LRRC4C: variants seen among roughly 807,000 people sequenced by gnomAD.
LRRC4C encodes the protein leucine-rich repeat-containing protein 4C.
In LRRC4C, 5 loss-of-function variants were observed where a neutral mutation model predicts 33.6. The observed-to-expected ratio is 0.15, with a 90% confidence interval of 0.08 to 0.31. The LOEUF (loss-of-function observed/expected upper bound fraction) is 0.31. Among genes scored for constraint, LRRC4C ranks in the 10% least tolerant of loss-of-function variants. LRRC4C has a pLI of 1.00. For missense variants in LRRC4C, 560 were observed against 796.7 expected (o/e 0.70, Z 3.58); for synonymous variants, 329 against 302.0 (o/e 1.09, Z -0.93).
At chr11:40,595,679 C>G (rs901302092) in intron 3 of LRRC4C, among the ~76,000 whole-genome samples, 1 of 151,930 alleles carries the variant, frequency 6.6e-6, no homozygotes, top group Non-Finnish European at 1.5e-5. Context: ...TCTGATTTCC[C>G]TTTCCTTTCC....
chr11:40,199,183 G>C (rs961494100), intron 5 of LRRC4C, among the ~76,000 whole-genome samples: 2 of 152,144 alleles, frequency 1.3e-5, no homozygotes, highest in African/African-American at 4.8e-5. Context: ...CAATTCTCCT[G>C]CCTCAGCCTC....
intron 3 of LRRC4C, among the ~76,000 whole-genome samples, chr11:40,507,939 A>G (rs546615768): frequency 6.6e-4 from 100 of 152,072 alleles, no homozygotes; most frequent in African/African-American, 2.1e-3. Context: ...GAGTTTTGCC[A>G]TGTTGGCCAG....
At chr11:40,525,943 C>G (rs2135268368) in intron 3 of LRRC4C, among the ~76,000 whole-genome samples, 1 of 152,204 alleles carries the variant, frequency 6.6e-6, no homozygotes, top group East Asian at 1.9e-4. Context: ...CATATGTTAT[C>G]ACTTTATTCA....
intron 3 of LRRC4C, among the ~76,000 whole-genome samples, chr11:40,439,706 C>G (rs1351145870): frequency 6.6e-6 from 1 of 152,142 alleles, no homozygotes; most frequent in African/African-American, 2.4e-5. Flanking sequence ...CCTGTCTTGG[C>G]CTTCCAAAGT....
Position 40,906,706 on chromosome 11 carries a change from C to CTGTG in LRRC4C, c.-407+26928_-407+26929insCACA, listed in dbSNP as rs562718375. The stretch of plus-strand genomic sequence containing the variant: ...TATGTTTCCCTCTCTCTCTCTCTCT[C>CTGTG]TCTGTGTGTGTGTGTGTATGTGTGT... On this transcript the variant is annotated intron_variant, in intron 2 of 6. Coordinates refer to ENST00000528697, the MANE Select transcript of LRRC4C (RefSeq NM_001258419.2). Among the ~76,000 whole-genome samples the CTGTG allele has an allele frequency of 2.0e-5, 3 of 151,750 alleles. No homozygotes were observed. The East Asian group carries it at 5.8e-4, about 29-fold the overall frequency.
rs1211840758 is a variant in LRRC4C, at chr11:41,401,284, C to T, written c.-496+58147G>A. Among the ~76,000 whole-genome samples the T allele has an allele frequency of 3.3e-5, 5 of 152,022 alleles. No individual in the cohort carries two copies. The East Asian group carries it at 9.7e-4, about 30-fold the overall frequency. On this transcript the variant is annotated intron_variant, in intron 1 of 6. Transcript: ENST00000528697. ...TTCCTTATTCACACTAGTCACATTT[C>T]AAGTGCTCATTAGTCAAAAATAGCT...
chr11:41,227,418 C>T (rs989234566), intron 1 of LRRC4C, among the ~76,000 whole-genome samples: 1 of 152,110 alleles, frequency 6.6e-6, no homozygotes. Flanking sequence ...ATGAGAATTA[C>T]ATATTCCAAA....
chr11:40,946,393 C>A (rs553819274), intron 1 of LRRC4C, among the ~76,000 whole-genome samples: 1 of 152,254 alleles, frequency 6.6e-6, no homozygotes, highest in East Asian at 1.9e-4. Flanking sequence ...CTGTTATAAA[C>A]GTATCAGTGT....
chr11:40,558,609 T>G (rs11035918), intron 3 of LRRC4C, among the ~76,000 whole-genome samples: 29,919 of 152,152 alleles, frequency 0.2, 3,653 homozygotes, highest in East Asian at 0.54. Context: ...CTCCTGCCCC[T>G]GTACTGTGTC....
chr11:40,944,591 G>T (rs1958306276), intron 1 of LRRC4C, among the ~76,000 whole-genome samples: 1 of 152,182 alleles, frequency 6.6e-6, no homozygotes, highest in Non-Finnish European at 1.5e-5. Flanking sequence ...TCAGTGACAT[G>T]GGTTCTTGAA....
chr11:41,084,451 G>T (rs1323331805), intron 1 of LRRC4C, among the ~76,000 whole-genome samples: 1 of 152,122 alleles, frequency 6.6e-6, no homozygotes, highest in East Asian at 1.9e-4. Context: ...ATTTTTAAAT[G>T]TTACTATCTT....
chr11:40,415,720 G>C (rs145339046), intron 3 of LRRC4C, among the ~76,000 whole-genome samples: 4 of 152,282 alleles, frequency 2.6e-5, no homozygotes, highest in African/African-American at 9.6e-5. Flanking sequence ...TGCAGAAAAT[G>C]ATGGCCTTGA....
intron 1 of LRRC4C, among the ~76,000 whole-genome samples, chr11:41,012,075 T>C (rs1365094886): frequency 6.6e-6 from 1 of 151,964 alleles, no homozygotes; most frequent in Non-Finnish European, 1.5e-5. Flanking sequence ...ATACTTTCTT[T>C]ATGCTAGAAA....
chr11:40,830,672 CAG>C (rs946532441), intron 2 of LRRC4C, among the ~76,000 whole-genome samples: 13 of 152,034 alleles, frequency 8.6e-5, no homozygotes, highest in Non-Finnish European at 1.6e-4. Context: ...TGTTTTATGT[CAG>C]AGTCTCCCTC....
chr11:40,966,070 G>T (rs535104398), intron 1 of LRRC4C, among the ~76,000 whole-genome samples: 1 of 152,038 alleles, frequency 6.6e-6, no homozygotes, highest in African/African-American at 2.4e-5. Context: ...AGTTCTCCTT[G>T]AAGAGGTCCT....
intron 3 of LRRC4C, among the ~76,000 whole-genome samples, chr11:40,617,838 T>C (rs962882704): frequency 1.3e-5 from 2 of 151,704 alleles, no homozygotes; most frequent in African/African-American, 2.4e-5. Flanking sequence ...TGTCCAAATT[T>C]GAAAGACAAA....
intron 1 of LRRC4C, among the ~76,000 whole-genome samples, chr11:41,285,933 A>T (rs1949813624): frequency 6.6e-6 from 1 of 152,030 alleles, no homozygotes; most frequent in Admixed American, 6.6e-5. Flanking sequence ...AGGTTCAAGC[A>T]ATTCTTCTGC....
intron 3 of LRRC4C, among the ~76,000 whole-genome samples, chr11:40,349,339 C>G (rs1417597214): frequency 6.6e-6 from 1 of 151,978 alleles, no homozygotes; most frequent in Non-Finnish European, 1.5e-5. Flanking sequence ...CCGTGTCAGG[C>G]TTACTTCACA....
intron 2 of LRRC4C, among the ~76,000 whole-genome samples, chr11:40,770,675 A>C (rs1412855351): frequency 6.6e-6 from 1 of 152,258 alleles, no homozygotes; most frequent in Non-Finnish European, 1.5e-5. Context: ...ATTTCAAGAT[A>C]TAATGAGGGT....
Sources: allele counts gnomAD v4.1 joint callset (sites outside exome capture counted in the v4.1 genomes callset), GRCh38; gene constraint gnomAD v4.1.1; transcripts MANE v1.5; gene names NCBI Gene and HGNC (gene_info 2026-07-23, HGNC 2026-07-21).